Variants in ZNF320 observed in about 807,000 individuals in gnomAD.
The protein encoded by ZNF320 is zinc finger gene 320.
ZNF320 carries 2 observed loss-of-function variants against 6.8 expected under a neutral mutation model. That is an observed-to-expected ratio of 0.29 (90% CI 0.12 to 0.93). ZNF320 has a LOEUF of 0.93. Among genes scored for constraint, ZNF320 ranks in the 40% least tolerant of loss-of-function variants. ZNF320 has a pLI of 0.55. For synonymous variants in ZNF320, 208 were observed against 203.2 expected (o/e 1.02, Z -0.20); for missense variants, 472 against 611.0 (o/e 0.77, Z 2.40).
rs185177569 is a variant in ZNF320, at chr19:52,877,887, C to T, written c.*2709G>A. 6.6e-6 allele frequency: 1 copy of T among 152,154 alleles called. No individual in the cohort carries two copies. Among genetic ancestry groups the T allele is most frequent in the East Asian group, 1.9e-4 (1 of 5,176 alleles). The allele number at this position is 152,154 out of a possible 1,614,324, so 9.4% of individuals were successfully genotyped here. On this transcript the variant is annotated 3_prime_UTR_variant, in exon 6 of 6. Coordinates refer to ENST00000682928, the MANE Select transcript of ZNF320 (RefSeq NM_001351774.2). ...TGAGAAAATTTTCAGAAGACTCCATCTCAAAAAAACAAAACAAACAAAACA... is the reference window on the plus strand; with the variant it reads ...TGAGAAAATTTTCAGAAGACTCCATTTCAAAAAAACAAAACAAACAAAACA...
intron 4 of ZNF320, among the ~76,000 whole-genome samples, chr19:52,888,807 G>A (rs1490572470): frequency 3.9e-5 from 6 of 152,132 alleles, no homozygotes; most frequent in Admixed American, 1.3e-4. Flanking sequence ...ATACGTGTGT[G>A]TACATATGTA....
At chr19:52,885,369 T>C (rs62117507) in intron 5 of ZNF320, among the ~76,000 whole-genome samples, 29,660 of 151,418 alleles carry the variant, frequency 0.2, 3,487 homozygotes, top group Non-Finnish European at 0.25. Context: ...TCACCTGGGG[T>C]CAAGGGTTCG....
At chr19:52,865,846 C>CAGATATTTATATATTATACAT (rs1568693500) in intron 5 of ZNF320, among the ~76,000 whole-genome samples, 77 of 73,490 alleles carry the variant, frequency 1.0e-3, no homozygotes, top group African/African-American at 4.8e-3. Flanking sequence ...TGATTATACA[C>CAGATATTTATATATTATACAT]ATATATTTAT....
intron 5 of ZNF320, 89 bp downstream of exon 5, chr19:52,888,038 A>G: frequency 6.3e-7 from 1 of 1,580,588 alleles, no homozygotes; most frequent in Non-Finnish European, 8.6e-7. Context: ...CATTTTAGTC[A>G]AGCAAGGATG....
chr19:52,886,777 A>G (rs1276372391), intron 5 of ZNF320, among the ~76,000 whole-genome samples: 2 of 152,036 alleles, frequency 1.3e-5, no homozygotes, highest in African/African-American at 4.8e-5. Context: ...CTCTACTAAA[A>G]ACACAAAGTG....
intron 2 of ZNF320, chr19:52,891,934 T>C (rs1228829069): frequency 1.3e-5 from 2 of 152,240 alleles, no homozygotes; most frequent in Non-Finnish European, 2.9e-5. Context: ...TAGAGAAGCA[T>C]CTTTCACATA....
At chr19:52,895,938 A>G (rs1242522238) in intron 1 of ZNF320, among the ~76,000 whole-genome samples, 4 of 152,216 alleles carry the variant, frequency 2.6e-5, no homozygotes, top group African/African-American at 9.6e-5. Context: ...AACAAATTTC[A>G]TAGAGAAACT....
At chr19:52,901,563 G>A (rs962470536), upstream of ZNF320, among the ~76,000 whole-genome samples, 5 of 152,128 alleles carry the variant, frequency 3.3e-5, no homozygotes, top group African/African-American at 1.2e-4. Flanking sequence ...ACTGAGTCCA[G>A]CACCTCTAAA....
chr19:52,868,213 A>G (rs1048786835), intron 5 of ZNF320, among the ~76,000 whole-genome samples: 3 of 152,166 alleles, frequency 2.0e-5, no homozygotes, highest in African/African-American at 7.2e-5. Flanking sequence ...ACTTGTTTAA[A>G]AACCTGGAGG....
At chr19:52,870,948 C>T (rs2063670131) in intron 5 of ZNF320, among the ~76,000 whole-genome samples, 1 of 151,834 alleles carries the variant, frequency 6.6e-6, no homozygotes, top group Non-Finnish European at 1.5e-5. Context: ...ATTTCCCGAC[C>T]AGCCTGACCA....
the ZNF320 span, among the ~76,000 whole-genome samples, chr19:52,904,236 G>A: frequency 1.3e-5 from 2 of 152,340 alleles, no homozygotes; most frequent in Middle Eastern, 3.4e-3. Flanking sequence ...TCCTACCCAG[G>A]AGCGCTCTTT....
intron 1 of ZNF320, among the ~76,000 whole-genome samples, chr19:52,897,085 C>T (rs538562324): frequency 6.6e-6 from 1 of 152,230 alleles, no homozygotes; most frequent in Non-Finnish European, 1.5e-5. Context: ...ACTTTCTAAA[C>T]GGGTCCCCGG....
In ZNF320 at chr19:52,880,179, T is replaced by TAAAATA. The variant is rs1312920499; in HGVS notation, c.*416_*417insTATTTT. Reference sequence around the variant, plus strand: ...CTAGCTAACACGGTGAAACCCAGTCTCTACTAAAAATACAAAAAATTACCC... The same window carrying TAAAATA: ...CTAGCTAACACGGTGAAACCCAGTCTAAAATACTACTAAAAATACAAAAAATTACCC... On this transcript the variant is annotated 3_prime_UTR_variant, in exon 6 of 6. Coordinates refer to ENST00000682928, the MANE Select transcript of ZNF320 (RefSeq NM_001351774.2). The TAAAATA allele has an allele frequency of 6.4e-6, 1 of 155,640 alleles. No homozygotes were observed. Among genetic ancestry groups the TAAAATA allele is most frequent in the African/African-American group, 2.4e-5 (1 of 41,398 alleles). The allele number at this position is 155,640 out of a possible 1,614,324, so 9.6% of individuals were successfully genotyped here. A position where few individuals can be genotyped will look rare whatever the true frequency, so the allele number is the denominator to read the frequency against.
exon 6 of ZNF320, among the ~76,000 whole-genome samples, chr19:52,861,530 C>A (rs902711206): frequency 5.9e-5 from 9 of 152,164 alleles, no homozygotes; most frequent in African/African-American, 1.9e-4. Flanking sequence ...CGTCTGTTGG[C>A]CAGGCTGATC....
At chr19:52,866,831 C>T (rs2063580950) in intron 5 of ZNF320, among the ~76,000 whole-genome samples, 2 of 147,312 alleles carry the variant, frequency 1.4e-5, no homozygotes, top group African/African-American at 5.1e-5. Context: ...TAAGTTCCAG[C>T]CTGTTGACAG....
rs372218833 is a variant in ZNF320, at chr19:52,881,759, T to A, written c.367A>T (p.Thr123Ser). 14 of 1,613,862 alleles carry A rather than the reference T, an allele frequency of 8.7e-6. No homozygotes were observed. The African/African-American group carries it at 1.9e-4, about 22-fold the overall frequency. Residue 123 changes from threonine (T) to serine (S), a missense_variant, in exon 6 of 6, where the codon ACA (threonine) becomes TCA (serine). Thr to Ser is a moderately conservative substitution (Grantham distance 58, BLOSUM62 1). Transcript: ENST00000682928. ...GCATGCCTTTGATCATATCGGTCTGTACTACTAGTCAACTTTTTTATTTCT... is the reference window on the plus strand; with the variant it reads ...GCATGCCTTTGATCATATCGGTCTGAACTACTAGTCAACTTTTTTATTTCT... ...MTEIKKLTSS[T>S]DRYDQRHAGN...
At chr19:52,892,510 G>C (rs941974947) in intron 2 of ZNF320, among the ~76,000 whole-genome samples, 71 of 152,188 alleles carry the variant, frequency 4.7e-4, no homozygotes, top group African/African-American at 1.7e-3. Context: ...CAGCACTTTG[G>C]GAGGTCAAGG....
chr19:52,880,740 G>C lies in ZNF320; in HGVS notation c.1386C>G (p.Ile462Met), dbSNP rs2063889704. The C allele has an allele frequency of 6.2e-7, 1 of 1,613,714 alleles. No individual in the cohort carries two copies. The highest frequency in any genetic ancestry group is 1.3e-5 in the African/African-American group (1 of 74,848). Reference protein sequence around the residue: ...SPSHLIRHQRIHTGQKSYKCH... With the variant: ...SPSHLIRHQRMHTGQKSYKCH... ...ATTTGTAAGATTTCTGTCCAGTATG[G>C]ATTCTCTGATGCCTAATAAGGTGTG... Residue 462 changes from isoleucine (I) to methionine (M), a missense_variant, in exon 6 of 6, where the codon ATC becomes ATG. Ile to Met is a conservative substitution (Grantham distance 10, BLOSUM62 1). This residue lies in a region of ZNF320 where 462 missense variants were observed against 559.7 expected (regional missense o/e 0.83). Transcript: ENST00000682928.
chr19:52,876,924 T>C lies in ZNF320; in HGVS notation c.*3672A>G, dbSNP rs977429697. On this transcript the variant is annotated 3_prime_UTR_variant, in exon 6 of 6. Transcript: ENST00000682928. ...GAATTCAAGACCAGCTCGGGCAACA[T>C]GGTGAAAGCCCATCTCTACTAGGAA... The C allele has an allele frequency of 1.3e-5, 2 of 151,932 alleles. No homozygotes were observed. The highest frequency in any genetic ancestry group is 2.4e-5 in the African/African-American group (1 of 41,350). 9.4% of individuals were successfully genotyped at this position (151,932 alleles called of 1,614,324 possible).
Sources: allele counts gnomAD v4.1 joint callset (sites outside exome capture counted in the v4.1 genomes callset), GRCh38; gene constraint gnomAD v4.1.1; regional missense constraint gnomAD v4.1.1; transcripts MANE v1.5; gene names NCBI Gene and HGNC (gene_info 2026-07-23, HGNC 2026-07-21).